CAMK1D: variants seen among roughly 807,000 people sequenced by gnomAD.
CAMK1D encodes calcium/calmodulin dependent protein kinase ID.
CAMK1D carries 9 observed loss-of-function variants against 47.7 expected under a neutral mutation model. The observed-to-expected ratio is 0.19, with a 90% CI of 0.11 to 0.33. The LOEUF (loss-of-function observed/expected upper bound fraction) is 0.33. Among genes scored for constraint, CAMK1D ranks in the 10% least tolerant of loss-of-function variants. The pLI is 1.00. For synonymous variants in CAMK1D, 184 were observed against 184.9 expected (o/e 0.99, Z 0.04); for missense variants, 291 against 488.7 (o/e 0.60, Z 3.81).
intron 1 of CAMK1D, among the ~76,000 whole-genome samples, chr10:12,406,185 C>T (rs1341657146): frequency 6.6e-6 from 1 of 152,152 alleles, no homozygotes; most frequent in Non-Finnish European, 1.5e-5. Flanking sequence ...CAGGTTTGTG[C>T]TGTGCACTCC....
chr10:12,733,518 G>C (rs1834991031), intron 3 of CAMK1D, among the ~76,000 whole-genome samples: 1 of 152,254 alleles, frequency 6.6e-6, no homozygotes, highest in African/African-American at 2.4e-5. Context: ...CATCAGACTA[G>C]GCAATAATCA....
intron 1 of CAMK1D, among the ~76,000 whole-genome samples, chr10:12,508,178 C>A (rs1165046111): frequency 6.6e-6 from 1 of 152,224 alleles, no homozygotes; most frequent in East Asian, 1.9e-4. Flanking sequence ...TATGTATGTC[C>A]TTGGCACCTC....
chr10:12,395,339 G>T (rs952674968), intron 1 of CAMK1D, among the ~76,000 whole-genome samples: 2 of 151,886 alleles, frequency 1.3e-5, no homozygotes, highest in Non-Finnish European at 2.9e-5. Context: ...TGGGAATGGG[G>T]CTGAAATTCC....
In CAMK1D at chr10:12,637,133, G is replaced by A. The variant is rs550758407; in HGVS notation, c.225-29603G>A. 4.2e-4 allele frequency among the ~76,000 whole-genome samples: 64 copies of A among 152,086 alleles called. No individual in the cohort carries two copies. In the South Asian group the frequency reaches 0.011, roughly 27 times the overall value. On this transcript the variant is annotated intron_variant, in intron 2 of 10. Coordinates refer to ENST00000619168, the MANE Select transcript of CAMK1D (RefSeq NM_153498.4). Reference sequence around the variant, plus strand: ...ATTATAGATGTGCACCACCATGCCCGGCTAATTGTTGTATTTTTAGTAGAG... The same window carrying A: ...ATTATAGATGTGCACCACCATGCCCAGCTAATTGTTGTATTTTTAGTAGAG...
intron 1 of CAMK1D, among the ~76,000 whole-genome samples, chr10:12,438,998 G>T (rs140084001): frequency 1.0e-3 from 159 of 152,216 alleles, no homozygotes; most frequent in Non-Finnish European, 1.8e-3. Context: ...GCTTTCTGGT[G>T]CAGGCTCTTT....
intron 5 of CAMK1D, among the ~76,000 whole-genome samples, chr10:12,788,109 A>G (rs1837814722): frequency 6.6e-6 from 1 of 152,308 alleles, no homozygotes; most frequent in Non-Finnish European, 1.5e-5. Context: ...TGTCATCCTG[A>G]TATTTACTTG....
intron 1 of CAMK1D, among the ~76,000 whole-genome samples, chr10:12,506,968 T>G (rs551363336): frequency 6.6e-6 from 1 of 152,344 alleles, no homozygotes; most frequent in Non-Finnish European, 1.5e-5. Flanking sequence ...GATGGACTCT[T>G]AATATTTCCC....
At chr10:12,552,056 C>A (rs1016576192) in intron 1 of CAMK1D, among the ~76,000 whole-genome samples, 1 of 152,158 alleles carries the variant, frequency 6.6e-6, no homozygotes, top group Admixed American at 6.5e-5. Flanking sequence ...CTGGAGGATC[C>A]GGAGATGATG....
chr10:12,479,976 A>G (rs1834015598), intron 1 of CAMK1D, among the ~76,000 whole-genome samples: 3 of 152,050 alleles, frequency 2.0e-5, no homozygotes, highest in African/African-American at 7.2e-5. Context: ...GCCAAAGACT[A>G]AAAAAAGGCC....
chr10:12,561,125 G>T (rs759226310), intron 2 of CAMK1D, among the ~76,000 whole-genome samples: 23 of 151,958 alleles, frequency 1.5e-4, no homozygotes, highest in Non-Finnish European at 3.2e-4. Flanking sequence ...CACCGTGTTA[G>T]CCAGATTGGT....
intron 1 of CAMK1D, among the ~76,000 whole-genome samples, chr10:12,386,102 A>G (rs1326007742): frequency 6.6e-6 from 1 of 152,136 alleles, no homozygotes; most frequent in Non-Finnish European, 1.5e-5. Flanking sequence ...AAGCTTTTAC[A>G]AAAAAAGCAG....
chr10:12,668,437 A>G (rs1048139408), intron 3 of CAMK1D, among the ~76,000 whole-genome samples: 5 of 152,352 alleles, frequency 3.3e-5, no homozygotes, highest in Admixed American at 1.3e-4. Context: ...TATCAGTTAA[A>G]GCACCTCAAA....
chr10:12,404,471 C>T (rs200933716), intron 1 of CAMK1D, among the ~76,000 whole-genome samples: 1 of 152,264 alleles, frequency 6.6e-6, no homozygotes, highest in South Asian at 2.1e-4. Flanking sequence ...TATGGTATGC[C>T]TTATAAATAG....
intron 10 of CAMK1D, among the ~76,000 whole-genome samples, chr10:12,827,995 G>A (rs72773698): frequency 0.39 from 59,819 of 152,004 alleles, 12,483 homozygotes; most frequent in East Asian, 0.6. Context: ...AGTGCTCTGC[G>A]TCACAAAATG....
At chr10:12,569,608 A>G (rs1333808306) in intron 2 of CAMK1D, among the ~76,000 whole-genome samples, 2 of 148,450 alleles carry the variant, frequency 1.3e-5, no homozygotes, top group Middle Eastern at 3.8e-3. Context: ...AGTCCCAGCT[A>G]CTCGGGAAGC....
At chr10:12,382,697 C>T (rs1454888879) in intron 1 of CAMK1D, among the ~76,000 whole-genome samples, 1 of 151,992 alleles carries the variant, frequency 6.6e-6, no homozygotes, top group African/African-American at 2.4e-5. Flanking sequence ...TGGTGGCGGA[C>T]CTCTGTAATC....
At chr10:12,766,145 A>G (rs1836747112) in intron 4 of CAMK1D, among the ~76,000 whole-genome samples, 1 of 151,620 alleles carries the variant, frequency 6.6e-6, no homozygotes, top group South Asian at 2.1e-4. Context: ...TTGTATTTTT[A>G]GTAGAGACAG....
intron 5 of CAMK1D, among the ~76,000 whole-genome samples, chr10:12,787,647 G>C (rs981034684): frequency 6.6e-6 from 1 of 152,212 alleles, no homozygotes; most frequent in Non-Finnish European, 1.5e-5. Flanking sequence ...CTCCTTTCTC[G>C]TGTATCTGTT....
At chr10:12,790,812 G>A (rs1413854498) in intron 5 of CAMK1D, among the ~76,000 whole-genome samples, 1 of 151,812 alleles carries the variant, frequency 6.6e-6, no homozygotes, top group African/African-American at 2.4e-5. Context: ...GCAATATCAC[G>A]AGACTTCATC....
Sources: gnomAD v4.1 joint callset for allele counts (sites outside exome capture counted in the v4.1 genomes callset) on GRCh38, gnomAD v4.1.1 for gene constraint, MANE v1.5 for transcripts, NCBI Gene and HGNC (gene_info 2026-07-23, HGNC 2026-07-21) for gene names.